The following C7 variants were observed in gnomAD, a reference collection of about 807,000 sequenced individuals.
C7 encodes the protein complement component C7.
Under a neutral mutation model 104.8 loss-of-function variants are expected in C7, and 83 were observed. The observed-to-expected ratio is 0.79, with a 90% CI of 0.66 to 0.95. C7 has a LOEUF of 0.95. Among genes scored for constraint, C7 ranks in the 40% least tolerant of loss-of-function variants. The pLI, the probability that C7 is intolerant of heterozygous loss-of-function variation, is 0.00. For synonymous variants in C7, 415 were observed against 360.6 expected (o/e 1.15, Z -1.71); for missense variants, 1,070 against 1,011.2 (o/e 1.06, Z -0.79).
chr5:40,959,410 T>C, intron 11 of C7, 39 bp from the exon 12 acceptor site: 4 of 1,578,634 alleles, frequency 2.5e-6, no homozygotes, highest in Non-Finnish European at 3.4e-6. Context: ...CCAAGCCCTC[T>C]TTAAGAACTT....
chr5:40,981,693 C>A lies in C7; in HGVS notation c.*120C>A. ...TTCTTCTCCAGTGTCTACCTTCCTC[C>A]TCAACTCCCAGCCATCTGTATAAAC... On this transcript the variant is annotated 3_prime_UTR_variant, in exon 18 of 18. Transcript: ENST00000313164. The A allele has an allele frequency of 1.3e-6, 1 of 758,082 alleles. No homozygotes were observed. 47.0% of individuals were successfully genotyped at this position (758,082 alleles called of 1,614,324 possible).
Position 40,965,241 on chromosome 5 carries a change from T to C in C7, c.1882+368T>C, listed in dbSNP as rs1174402713. 2.7e-4 allele frequency among the ~76,000 whole-genome samples: 41 copies of C among 152,202 alleles called. 1 individual carries two copies. The highest frequency in any genetic ancestry group is 2.7e-3 in the Admixed American group (41 of 15,278). On this transcript the variant is annotated intron_variant, in intron 14 of 17. Coordinates refer to ENST00000313164, the MANE Select transcript of C7 (RefSeq NM_000587.4). ...CTCCTGTTCTGTTTGGATAGAGGCA[T>C]CTGAATAACAGCATCTGCATGCTGC... is the stretch of plus-strand genomic sequence containing the variant.
chr5:40,968,527 T>C (rs755712073), intron 14 of C7, among the ~76,000 whole-genome samples: 8 of 143,420 alleles, frequency 5.6e-5, no homozygotes, highest in Non-Finnish European at 1.1e-4. Context: ...GTTTTAAATT[T>C]TATCAATTTT....
intron 1 of C7, among the ~76,000 whole-genome samples, chr5:40,913,249 T>A (rs1739247847): frequency 6.6e-6 from 1 of 152,228 alleles, no homozygotes; most frequent in East Asian, 1.9e-4. Context: ...TTGTGAATAG[T>A]GTTGAGATAA....
At chr5:40,938,537 G>T (rs957549809) in intron 6 of C7, among the ~76,000 whole-genome samples, 3 of 152,070 alleles carry the variant, frequency 2.0e-5, no homozygotes, top group Non-Finnish European at 4.4e-5. Flanking sequence ...GCATACACCT[G>T]GAACTCAAAT....
chr5:40,969,587 C>T (rs1740646316), intron 14 of C7, among the ~76,000 whole-genome samples: 1 of 152,124 alleles, frequency 6.6e-6, no homozygotes, highest in South Asian at 2.1e-4. Flanking sequence ...ATCTCTATTC[C>T]AAGGATGTGG....
At position 40,959,575 on chromosome 5, in the gene C7, C is replaced by T. The variant is rs761156913; in HGVS notation, c.1616C>T (p.Thr539Met). 40 of 1,608,246 alleles carry T rather than the reference C, an allele frequency of 2.5e-5. No individual in the cohort carries two copies. The East Asian group carries it at 4.5e-4, about 18-fold the overall frequency. ...SGGGRSCVGE[T>M]TESTQCEDEE... ...GGTGGGAGATCCTGCGTTGGAGAAACGACAGAAAGCACACAATGCGAAGAT... is the reference window on the plus strand; with the variant it reads ...GGTGGGAGATCCTGCGTTGGAGAAATGACAGAAAGCACACAATGCGAAGAT... The change falls in exon 12 of 18, where the codon ACG becomes ATG. Residue 539 changes from threonine to methionine, a missense_variant. Coordinates refer to ENST00000313164, the MANE Select transcript of C7 (RefSeq NM_000587.4).
At chr5:40,918,644 A>G (rs969727531) in intron 1 of C7, among the ~76,000 whole-genome samples, 1 of 151,850 alleles carries the variant, frequency 6.6e-6, no homozygotes, top group African/African-American at 2.4e-5. Flanking sequence ...AGCAGGGATA[A>G]CTATACTTAT....
chr5:40,916,930 T>C (rs1302059253), intron 1 of C7, among the ~76,000 whole-genome samples: 3 of 151,926 alleles, frequency 2.0e-5, no homozygotes, highest in African/African-American at 7.2e-5. Context: ...TAATACATTG[T>C]TCTAGAGCAG....
rs1739282283 is a variant in C7, at chr5:40,914,657, A to G, written c.6+5041A>G. ...ATTTTTGTATAAGGTGAGAGACAGG[A>G]GGACCTTCACATTTTAAAGTGAGAT... On this transcript the variant is annotated intron_variant, in intron 1 of 17. Coordinates refer to ENST00000313164, the MANE Select transcript of C7 (RefSeq NM_000587.4). Among the ~76,000 whole-genome samples, 3 of 152,142 alleles carry G rather than the reference A, an allele frequency of 2.0e-5. No individual in the cohort carries two copies. The South Asian group carries it at 6.2e-4, about 32-fold the overall frequency.
intron 3 of C7, among the ~76,000 whole-genome samples, chr5:40,933,083 A>T (rs1442063538): frequency 1.3e-5 from 2 of 152,210 alleles, no homozygotes; most frequent in Non-Finnish European, 2.9e-5. Flanking sequence ...GGGACTAAAA[A>T]TGGTATCAAG....
chr5:40,915,978 A>T (rs528979931), intron 1 of C7, among the ~76,000 whole-genome samples: 1 of 152,318 alleles, frequency 6.6e-6, no homozygotes, highest in South Asian at 2.1e-4. Flanking sequence ...TTAAAATGTG[A>T]GATGATTTTA....
intron 8 of C7, among the ~76,000 whole-genome samples, chr5:40,948,097 G>A (rs1336621119): frequency 6.6e-6 from 1 of 152,044 alleles, no homozygotes; most frequent in African/African-American, 2.4e-5. Flanking sequence ...AGAGGGTATT[G>A]GCTGGGTTTT....
intron 1 of C7, 93 bp from the exon 2 acceptor site, chr5:40,928,487 T>C (rs1739605630): frequency 1.4e-6 from 1 of 715,330 alleles, no homozygotes; most frequent in African/African-American, 1.8e-5. Context: ...CATCACTTTG[T>C]ACCCCATAAA....
At chr5:40,916,383 A>C (rs555966379) in intron 1 of C7, among the ~76,000 whole-genome samples, 30 of 152,344 alleles carry the variant, frequency 2.0e-4, no homozygotes, top group Non-Finnish European at 3.2e-4. Flanking sequence ...ATAAGATGAG[A>C]GTCACTGCCC....
intron 9 of C7, among the ~76,000 whole-genome samples, chr5:40,952,584 T>C (rs1035391654): frequency 6.6e-6 from 1 of 152,100 alleles, no homozygotes; most frequent in Non-Finnish European, 1.5e-5. Flanking sequence ...CATGTTGGTG[T>C]GCTACACCCA....
intron 1 of C7, chr5:40,910,957 A>G (rs1739194814): frequency 6.6e-6 from 1 of 152,174 alleles, no homozygotes; most frequent in Non-Finnish European, 1.5e-5. Context: ...CATGTTTACA[A>G]TCATTATTAT....
chr5:40,962,188 TA>T lies in C7; in HGVS notation c.1749+17del, dbSNP rs759314306. On this transcript the variant is annotated intron_variant, in intron 13 of 17. Transcript: ENST00000313164. ...ATTTGTTCAAGTTGGTTATGAAAGA[TA>T]TTTTTTTCCTTTATAATGCTCTAAC... 4.8e-6 allele frequency: 7 copies of T among 1,454,320 alleles called. No homozygotes were observed. The highest frequency in any genetic ancestry group is 6.6e-6 in the Non-Finnish European group (7 of 1,065,182). 90.1% of individuals were successfully genotyped at this position (1,454,320 alleles called of 1,614,324 possible).
chr5:40,958,080 GA>G lies in C7; in HGVS notation c.1314del (p.Lys438AsnfsTer4), dbSNP rs774370086. The G allele has an allele frequency of 5.6e-6, 9 of 1,613,608 alleles. No individual in the cohort carries two copies. In the Admixed American group the frequency reaches 6.7e-5, roughly 12 times the overall value. ...LVKEVPCASV[K>X]KLYLKWALEE... ...TAAAGGAAGTACCTTGTGCCTCTGT[GA>G]AAAAACTATACCTGAAATGGGCTCT... On this transcript the variant is annotated frameshift_variant, in exon 11 of 18. Transcript: ENST00000313164. LOFTEE classifies it high-confidence loss of function.
Sources: gnomAD v4.1 joint callset for allele counts (sites outside exome capture counted in the v4.1 genomes callset) on GRCh38, gnomAD v4.1.1 for gene constraint, MANE v1.5 for transcripts, NCBI Gene and HGNC (gene_info 2026-07-23, HGNC 2026-07-21) for gene names.